Variants in LZTR1 observed in about 807,000 individuals in gnomAD.
LZTR1 encodes the protein leucine-zipper-like transcriptional regulator 1.
LZTR1 carries 260 observed loss-of-function variants against 105.7 expected under a neutral mutation model. That is an observed-to-expected ratio of 2.46 (90% CI 2.22 to 2.72). The LOEUF is 2.72. Ranked by LOEUF, LZTR1 falls within the 30% of genes most tolerant of loss-of-function variation. The pLI, the probability that LZTR1 is intolerant of heterozygous loss-of-function variation, is 0.00. For missense variants in LZTR1, 1,214 were observed against 1,166.9 expected, an observed-to-expected ratio of 1.04 and a Z score of -0.59; for synonymous variants, 490 against 476.4, an observed-to-expected ratio of 1.03 and a Z score of -0.37.
chr22:20,982,366 C>T lies in LZTR1; in HGVS notation c.-6C>T, dbSNP rs188063382. On this transcript the variant is annotated 5_prime_UTR_variant, in exon 1 of 21. Transcript: ENST00000646124. ...TACAGCGCGGCCGATCCGGCGTGGA[C>T]CCGGGATGGCTGGACCGGGCAGCAC... The T allele has an allele frequency of 1.3e-3, 1,994 of 1,548,182 alleles. 34 individuals are homozygous for T. The East Asian group carries it at 0.039, about 30-fold the overall frequency.
intron 1 of LZTR1, 57 bp downstream of exon 1, chr22:20,982,628 G>A (rs1464105259): frequency 6.4e-7 from 1 of 1,564,198 alleles, no homozygotes; most frequent in Non-Finnish European, 8.7e-7. Flanking sequence ...GAGGGTCCCA[G>A]GGCGGGTCCA....
At position 20,997,470 on chromosome 22, in the gene LZTR1, G is replaced by A. The variant is rs888241590; in HGVS notation, c.*122G>A. On this transcript the variant is annotated 3_prime_UTR_variant, in exon 21 of 21. Transcript: ENST00000646124. ...TGCACCTGCCAGGCCAAGGGTCAGG[G>A]TGCCCAGAGCCTCCAAAGAGAGCTG... is the stretch of plus-strand genomic sequence containing the variant. 25 of 767,574 alleles carry A rather than the reference G, an allele frequency of 3.3e-5. No homozygotes were observed. The highest frequency in any genetic ancestry group is 5.1e-5 in the Non-Finnish European group (23 of 453,126). 47.5% of individuals were successfully genotyped at this position (767,574 alleles called of 1,614,324 possible).
chr22:20,996,985 C>G lies in LZTR1; in HGVS notation c.2406+19C>G. On this transcript the variant is annotated intron_variant, in intron 20 of 20. Coordinates refer to ENST00000646124, the MANE Select transcript of LZTR1 (RefSeq NM_006767.4). Reference sequence around the variant, plus strand: ...CACCAAGGTCAGGGCTCTGGCCTCCCCTTCAGGACTCGCTTCCCCTTGGCA... The same window carrying G: ...CACCAAGGTCAGGGCTCTGGCCTCCGCTTCAGGACTCGCTTCCCCTTGGCA... 6.2e-7 allele frequency: 1 copy of G among 1,611,452 alleles called. No homozygotes were observed. Among genetic ancestry groups the G allele is most frequent in the South Asian group, 1.1e-5 (1 of 91,040 alleles).
Position 20,982,404 on chromosome 22 carries a change from C to T in LZTR1, c.33C>T (p.Ile11=). The T allele has an allele frequency of 2.6e-6, 4 of 1,564,482 alleles. No individual in the cohort carries two copies. The South Asian group carries it at 3.5e-5, about 14-fold the overall frequency. Residue 11 remains isoleucine, a synonymous_variant, in exon 1 of 21, where the codon ATC becomes ATT. Transcript: ENST00000646124. ...GACCGGGCAGCACGGGGGGGCAGAT[C>T]GGGGCTGCGGCCCTGGCAGGCGGCG... The part of the protein sequence containing the change: MAGPGSTGGQ[I]GAAALAGGAR...
At position 20,988,026 on chromosome 22, in the gene LZTR1, C is replaced by T. The variant is rs550861929; in HGVS notation, c.417C>T (p.Asp139=). The T allele has an allele frequency of 6.2e-7, 1 of 1,605,128 alleles. No homozygotes were observed. The highest frequency in any genetic ancestry group is 1.1e-5 in the South Asian group (1 of 90,880). ...SMFVFGGYTG[D]IYSNSNLKNK... is the part of the protein sequence containing the mutation. ...TTTACTCAGGGGGTTACACTGGGGA[C>T]ATTTATTCCAATTCTAACTTGAAGA... The change falls in exon 5 of 21, where the codon GAC becomes GAT. Residue 139 remains aspartate (D), a synonymous_variant. Coordinates refer to ENST00000646124, the MANE Select transcript of LZTR1 (RefSeq NM_006767.4).
chr22:20,990,094 AATTT>A (rs1314030160), intron 7 of LZTR1, among the ~76,000 whole-genome samples: 5 of 152,032 alleles, frequency 3.3e-5, no homozygotes, highest in Non-Finnish European at 7.4e-5. Flanking sequence ...AGAAACATGG[AATTT>A]ATTTATTTAT....
At position 20,997,247 on chromosome 22, in the gene LZTR1, A is replaced by C. The variant is rs747370262; in HGVS notation, c.2422A>C (p.Thr808Pro). ...HQFTKVSKLP[T>P]LRSLSQQLLL... Reference sequence around the variant, plus strand: ...TGCCTTACAGGTCTCCAAGTTGCCCACCCTGCGGTCGCTGAGCCAGCAGCT... The same window carrying C: ...TGCCTTACAGGTCTCCAAGTTGCCCCCCCTGCGGTCGCTGAGCCAGCAGCT... The change falls in exon 21 of 21, where the codon ACC becomes CCC. Residue 808 changes from threonine (T) to proline (P), a missense_variant. Physicochemically the swap from Thr to Pro is conservative, Grantham distance 38 (BLOSUM62 -1). Transcript: ENST00000646124. 5.0e-6 allele frequency: 8 copies of C among 1,613,302 alleles called. No homozygotes were observed. Among genetic ancestry groups the C allele is most frequent in the Non-Finnish European group, 2.5e-6 (3 of 1,179,616 alleles).
chr22:20,987,356 T>G (rs1199923937), intron 3 of LZTR1, 148 bp from the exon 4 acceptor site: 1 of 587,058 alleles, frequency 1.7e-6, no homozygotes, highest in Non-Finnish European at 3.0e-6. Flanking sequence ...GCCACTGCAC[T>G]CCAGCCGGGA....
rs151294009 is a variant in LZTR1, at chr22:20,988,822, G to A, written c.543G>A (p.Thr181=). Reference sequence around the variant, plus strand: ...TCGCTAGGTCAGCCCATGGGGCCACGGTGTACAGTGACAAGCTGTGGATCT... The same window carrying A: ...TCGCTAGGTCAGCCCATGGGGCCACAGTGTACAGTGACAAGCTGTGGATCT... ...LPVARSAHGA[T]VYSDKLWIFA... is the part of the protein sequence containing the mutation. The change falls in exon 6 of 21, where the codon ACG becomes ACA. Residue 181 remains threonine, a synonymous_variant. Transcript: ENST00000646124. 8.8e-4 allele frequency: 1,414 copies of A among 1,614,008 alleles called. 1 individual carries two copies. Among genetic ancestry groups the A allele is most frequent in the Non-Finnish European group, 1.1e-3 (1,342 of 1,180,036 alleles).
At chr22:20,990,342 C>T (rs775680347) in intron 7 of LZTR1, 44 bp from the exon 8 acceptor site, 116 of 1,610,586 alleles carry the variant, frequency 7.2e-5, no homozygotes, top group Admixed American at 1.8e-4. Context: ...GAAATGTGAG[C>T]GGGCCCTGTG....
At chr22:20,991,344 G>A (rs562247919) in intron 8 of LZTR1, 25 of 490,228 alleles carry the variant, frequency 5.1e-5, no homozygotes, top group Admixed American at 1.8e-4. Context: ...GCCTGGGCGG[G>A]TCAGATGCCA....
intron 1 of LZTR1, 81 bp downstream of exon 1, chr22:20,982,652 G>T (rs930026265): frequency 2.9e-6 from 4 of 1,398,506 alleles, no homozygotes; most frequent in Middle Eastern, 3.7e-4. Context: ...GCGAAGCCGG[G>T]GGGTGGTGTC....
intron 1 of LZTR1, 74 bp from the exon 2 acceptor site, chr22:20,982,953 C>A (rs982390709): frequency 7.9e-7 from 1 of 1,267,498 alleles, no homozygotes; most frequent in Admixed American, 1.7e-5. Context: ...TGGCAGCTCT[C>A]CTGCTTAGTC....
rs1376902786 is a variant in LZTR1 at position 20,995,848 on chromosome 22, A to G, written c.2045A>G (p.Lys682Arg). Residue 682 changes from lysine (K) to arginine (R), a missense_variant, in exon 17 of 21, where the codon AAG (lysine) becomes AGG (arginine). Transcript: ENST00000646124. The stretch of plus-strand genomic sequence containing the variant: ...GACGGGCACCCACGGCCAGCCCACA[A>G]GGCTATCCTGGCCGCCCGCTCCAGG... ...LLDGHPRPAH[K>R]AILAARSSYF... The G allele has an allele frequency of 6.2e-7, 1 of 1,612,876 alleles. No individual in the cohort carries two copies. The highest frequency in any genetic ancestry group is 1.3e-5 in the African/African-American group (1 of 74,822).
chr22:20,993,622 G>A (rs1924681968), intron 11 of LZTR1, 40 bp from the exon 12 acceptor site: 3 of 1,563,466 alleles, frequency 1.9e-6, no homozygotes, highest in African/African-American at 2.7e-5. Context: ...GGGCCACCCT[G>A]CTGTCTGCAA....
chr22:20,993,455 G>A (rs557658154), intron 11 of LZTR1: 5 of 594,352 alleles, frequency 8.4e-6, no homozygotes, highest in South Asian at 4.0e-5. Context: ...GGAGCCGGCC[G>A]TGGACAGTTG....
At position 20,992,261 on chromosome 22, in the gene LZTR1, GC is replaced by G. The variant is rs1221720204; in HGVS notation, c.1044del (p.Thr349ProfsTer2). The G allele has an allele frequency of 1.2e-6, 2 of 1,614,014 alleles. No individual in the cohort carries two copies. The highest frequency in any genetic ancestry group is 1.1e-5 in the South Asian group (1 of 91,088). On this transcript the variant is annotated frameshift_variant, in exon 10 of 21. Transcript: ENST00000646124. LOFTEE classifies it high-confidence loss of function. ...AGCGAGCCTGTGCTTCCGAGGAGGT[GC>G]CCACCCTGACCTATGAGGAGCGGGT... ...PERACASEEVPTLTYEERVGF... is the reference protein window; with the variant it reads ...PERACASEEVXTLTYEERVGF...
At chr22:20,990,704 A>G in intron 8 of LZTR1, 179 bp downstream of exon 8, 1 of 642,980 alleles carries the variant, frequency 1.6e-6, no homozygotes, top group Non-Finnish European at 2.6e-6. Flanking sequence ...TCCCCAGGAT[A>G]TGGCTACAGC....
chr22:20,985,739 C>A, intron 2 of LZTR1, 102 bp from the exon 3 acceptor site: 2 of 1,106,082 alleles, frequency 1.8e-6, no homozygotes, highest in Non-Finnish European at 2.7e-6. Flanking sequence ...ACCCAGCCCA[C>A]AACAGCCCCC....
Sources: gnomAD v4.1 joint callset for allele counts (sites outside exome capture counted in the v4.1 genomes callset) on GRCh38, gnomAD v4.1.1 for gene constraint, MANE v1.5 for transcripts, NCBI Gene and HGNC (gene_info 2026-07-23, HGNC 2026-07-21) for gene names.